Variants in SGCZ observed in about 807,000 individuals in gnomAD.
SGCZ encodes sarcoglycan zeta.
Under a neutral mutation model 41.3 loss-of-function variants are expected in SGCZ, and 40 were observed. The observed-to-expected ratio is 0.97, with a 90% CI of 0.75 to 1.26. The LOEUF (loss-of-function observed/expected upper bound fraction) is 1.26. Ranked by LOEUF, SGCZ falls within the 50% of genes most tolerant of loss-of-function variation. The probability of loss-of-function intolerance (pLI) is 0.00; values close to 1 mark genes in which losing one functional copy is unlikely to be tolerated. For synonymous variants in SGCZ, 206 were observed against 137.5 expected (o/e 1.50, Z -3.49); for missense variants, 552 against 369.8 (o/e 1.49, Z -4.04).
chr8:14,101,923 C>CTCT (rs1802033995), intron 7 of SGCZ, among the ~76,000 whole-genome samples: 1 of 151,698 alleles, frequency 6.6e-6, no homozygotes, highest in Non-Finnish European at 1.5e-5. Context: ...GACGGAGTCT[C>CTCT]GCTCTGTCGC....
At chr8:14,577,726 G>A (rs961852261) in intron 1 of SGCZ, among the ~76,000 whole-genome samples, 7 of 152,066 alleles carry the variant, frequency 4.6e-5, no homozygotes, top group African/African-American at 1.4e-4. Context: ...TTCAACAATT[G>A]TCCTTCCAAT....
intron 1 of SGCZ, among the ~76,000 whole-genome samples, chr8:14,763,145 T>C (rs1266667972): frequency 1.3e-5 from 2 of 152,188 alleles, no homozygotes; most frequent in Non-Finnish European, 2.9e-5. Context: ...CTGGTTGCCC[T>C]CTATAGTCAG....
At chr8:14,167,609 T>C (rs1324545202) in intron 4 of SGCZ, among the ~76,000 whole-genome samples, 3 of 152,044 alleles carry the variant, frequency 2.0e-5, no homozygotes, top group Non-Finnish European at 2.9e-5. Flanking sequence ...AAAAAAAAGA[T>C]GTAAGCAAAA....
chr8:14,580,261 T>A (rs1189895542), intron 1 of SGCZ, among the ~76,000 whole-genome samples: 2 of 152,240 alleles, frequency 1.3e-5, no homozygotes, highest in Admixed American at 6.5e-5. Flanking sequence ...GCTATCACGA[T>A]AATTTTGATT....
intron 1 of SGCZ, among the ~76,000 whole-genome samples, chr8:14,581,867 G>A (rs925807810): frequency 7.2e-5 from 11 of 152,136 alleles, no homozygotes; most frequent in African/African-American, 2.7e-4. Flanking sequence ...GATGATGCTA[G>A]AACAACAGGG....
intron 1 of SGCZ, among the ~76,000 whole-genome samples, chr8:14,756,147 A>G (rs780658421): frequency 8.6e-5 from 13 of 151,872 alleles, no homozygotes; most frequent in Non-Finnish European, 1.9e-4. Flanking sequence ...TATGACAGGC[A>G]TATAGGACTC....
chr8:14,883,213 C>T (rs1392323007), intron 1 of SGCZ, among the ~76,000 whole-genome samples: 1 of 147,256 alleles, frequency 6.8e-6, no homozygotes, highest in Non-Finnish European at 1.5e-5. Flanking sequence ...ATGAACCTCC[C>T]TCGCCTCAAT....
At chr8:14,779,288 C>T (rs528377024) in intron 1 of SGCZ, among the ~76,000 whole-genome samples, 5 of 152,170 alleles carry the variant, frequency 3.3e-5, no homozygotes, top group Admixed American at 6.5e-5. Context: ...ACTTGCACTG[C>T]GGCAAATCAG....
In SGCZ at chr8:14,446,071, C is replaced by T. The variant is rs114416098; in HGVS notation, c.234+108661G>A. ...GTCTGAAGAAGGGGACAAGAAAAAT[C>T]CTGAATCAGTTGTGCCATTTTTTCG... On this transcript the variant is annotated intron_variant, in intron 2 of 7. Transcript: ENST00000382080. Among the ~76,000 whole-genome samples, 294 of 152,254 alleles carry T rather than the reference C, an allele frequency of 1.9e-3. 1 individual carries two copies. The highest frequency in any genetic ancestry group is 6.8e-3 in the African/African-American group (281 of 41,546).
At chr8:14,754,185 G>A (rs2130328815) in intron 1 of SGCZ, among the ~76,000 whole-genome samples, 1 of 152,070 alleles carries the variant, frequency 6.6e-6, no homozygotes, top group Admixed American at 6.5e-5. Context: ...GGAGGCCAAT[G>A]GTTTAAATCT....
At chr8:14,975,975 T>C (rs571338804) in intron 1 of SGCZ, among the ~76,000 whole-genome samples, 1 of 134,598 alleles carries the variant, frequency 7.4e-6, no homozygotes, top group Non-Finnish European at 1.6e-5. Context: ...TGTGTGCGTG[T>C]GTGTATGTGT....
At chr8:14,429,483 G>A (rs1216343658) in intron 2 of SGCZ, among the ~76,000 whole-genome samples, 3 of 152,172 alleles carry the variant, frequency 2.0e-5, no homozygotes, top group South Asian at 2.1e-4. Flanking sequence ...GAGATGAGAT[G>A]AGGTTAAGAG....
At chr8:14,817,966 C>A (rs1273640298) in intron 1 of SGCZ, among the ~76,000 whole-genome samples, 1 of 152,180 alleles carries the variant, frequency 6.6e-6, no homozygotes, top group South Asian at 2.1e-4. Context: ...GCCAAAGAGG[C>A]ACCTCGCCCA....
At chr8:15,233,842 C>T (rs1329030382) in intron 1 of SGCZ, among the ~76,000 whole-genome samples, 1 of 152,022 alleles carries the variant, frequency 6.6e-6, no homozygotes, top group Non-Finnish European at 1.5e-5. Flanking sequence ...ACTAACAGAA[C>T]AATCCTGACA....
Position 15,029,724 on chromosome 8 carries a change from A to C in SGCZ, c.39+207861T>G, listed in dbSNP as rs371859696. 5.9e-5 allele frequency among the ~76,000 whole-genome samples: 9 copies of C among 152,122 alleles called. No individual in the cohort carries two copies. The East Asian group carries it at 9.6e-4, about 16-fold the overall frequency. ...TGAATCCCATTTTTGTTTCTCTACA[A>C]GTTTATCAATTTTTGATTATACTTT... On this transcript the variant is annotated intron_variant, in intron 1 of 7. Transcript: ENST00000382080.
intron 2 of SGCZ, among the ~76,000 whole-genome samples, chr8:14,535,562 C>A (rs1188185926): frequency 2.0e-5 from 3 of 151,890 alleles, no homozygotes; most frequent in African/African-American, 4.8e-5. Flanking sequence ...GTGTAGGAAA[C>A]AAATCCTATT....
At chr8:14,288,257 A>T (rs1272725436) in intron 3 of SGCZ, among the ~76,000 whole-genome samples, 1 of 152,080 alleles carries the variant, frequency 6.6e-6, no homozygotes, top group South Asian at 2.1e-4. Context: ...TAGCTGGTTA[A>T]TTTTTTATTG....
chr8:14,663,950 C>T (rs772117072), intron 1 of SGCZ, among the ~76,000 whole-genome samples: 1 of 152,116 alleles, frequency 6.6e-6, no homozygotes, highest in Non-Finnish European at 1.5e-5. Flanking sequence ...GCGGCTTAGA[C>T]ACTTAGCTGC....
intron 1 of SGCZ, among the ~76,000 whole-genome samples, chr8:14,684,248 G>C (rs1808536299): frequency 6.6e-6 from 1 of 151,956 alleles, no homozygotes; most frequent in Non-Finnish European, 1.5e-5. Context: ...ATGATGTTTT[G>C]GCCCAGTTTA....
Sources: gnomAD v4.1 joint callset for allele counts (sites outside exome capture counted in the v4.1 genomes callset) on GRCh38, gnomAD v4.1.1 for gene constraint, MANE v1.5 for transcripts, NCBI Gene and HGNC (gene_info 2026-07-23, HGNC 2026-07-21) for gene names.